Variants in LINGO2 observed in about 807,000 individuals in gnomAD.
LINGO2 encodes the protein leucine rich repeat and Ig domain containing 2.
In LINGO2, 14 loss-of-function variants were observed where a neutral mutation model predicts 30.6. The observed-to-expected ratio is 0.46, with a 90% CI of 0.30 to 0.72. The LOEUF is 0.72. Among genes scored for constraint, LINGO2 ranks in the 30% least tolerant of loss-of-function variants. The pLI, the probability that LINGO2 is intolerant of heterozygous loss-of-function variation, is 0.07. For missense variants in LINGO2, 729 were observed against 751.7 expected (o/e 0.97, Z 0.35); for synonymous variants, 317 against 288.5 (o/e 1.10, Z -1.00).
intron 1 of LINGO2, among the ~76,000 whole-genome samples, chr9:28,655,471 G>C (rs998120788): frequency 2.0e-5 from 3 of 152,016 alleles, no homozygotes; most frequent in African/African-American, 7.2e-5. Flanking sequence ...TTAGGATTTG[G>C]GGGTACTGTT....
chr9:28,320,566 C>T (rs938618414), intron 3 of LINGO2, among the ~76,000 whole-genome samples: 3 of 152,060 alleles, frequency 2.0e-5, no homozygotes, highest in Non-Finnish European at 4.4e-5. Context: ...TATCTTTAGA[C>T]GTTCACTTAG....
chr9:28,348,973 G>C (rs1159619894), intron 3 of LINGO2, among the ~76,000 whole-genome samples: 1 of 150,580 alleles, frequency 6.6e-6, no homozygotes, highest in African/African-American at 2.4e-5. Context: ...AAACAGAAAG[G>C]ACATCCACAC....
chr9:28,490,590 C>G (rs572632026), intron 1 of LINGO2, among the ~76,000 whole-genome samples: 1 of 152,150 alleles, frequency 6.6e-6, no homozygotes, highest in East Asian at 1.9e-4. Flanking sequence ...TAAAGGTAAT[C>G]TTGAATTAAT....
intron 4 of LINGO2, among the ~76,000 whole-genome samples, chr9:28,030,227 T>C (rs1290018057): frequency 6.6e-6 from 1 of 152,212 alleles, no homozygotes; most frequent in Non-Finnish European, 1.5e-5. Context: ...TGTTCAACAC[T>C]AACTTGGAAC....
At chr9:28,982,263 A>G in the LINGO2 span, among the ~76,000 whole-genome samples, 2 of 152,136 alleles carry the variant, frequency 1.3e-5, no homozygotes, top group African/African-American at 4.8e-5. Context: ...AGCTAAGGAA[A>G]AATAGGATGA....
chr9:28,190,117 C>A (rs1050217366), intron 4 of LINGO2, among the ~76,000 whole-genome samples: 2 of 152,148 alleles, frequency 1.3e-5, no homozygotes, highest in East Asian at 1.9e-4. Context: ...AAGACAGCCA[C>A]ATTTTCAAGT....
intron 4 of LINGO2, among the ~76,000 whole-genome samples, chr9:28,065,386 A>G (rs1186572075): frequency 6.6e-6 from 1 of 151,772 alleles, no homozygotes; most frequent in Non-Finnish European, 1.5e-5. Context: ...AATGACCTAC[A>G]AAGAGGCCAT....
At chr9:28,670,344 T>C (rs182848318), upstream of LINGO2, 1 of 152,186 alleles carries the variant, frequency 6.6e-6, no homozygotes, top group Non-Finnish European at 1.5e-5. Context: ...AAAATGATGG[T>C]GATTAGCTAT....
At chr9:28,440,065 C>A (rs1314444903) in intron 2 of LINGO2, among the ~76,000 whole-genome samples, 2 of 152,148 alleles carry the variant, frequency 1.3e-5, no homozygotes, top group African/African-American at 2.4e-5. Context: ...CTGACTGATA[C>A]AATCCTTAAG....
At chr9:28,069,623 A>G (rs1825414291) in intron 4 of LINGO2, among the ~76,000 whole-genome samples, 1 of 152,150 alleles carries the variant, frequency 6.6e-6, no homozygotes, top group South Asian at 2.1e-4. Flanking sequence ...TGGAATTATA[A>G]CTTCTAGAGT....
At chr9:28,219,765 T>C (rs967103966) in intron 4 of LINGO2, among the ~76,000 whole-genome samples, 1 of 152,182 alleles carries the variant, frequency 6.6e-6, no homozygotes, top group Non-Finnish European at 1.5e-5. Context: ...AGCTGCTGCA[T>C]AGTCTGTGCA....
chr9:28,716,130 A>G, the LINGO2 span, among the ~76,000 whole-genome samples: 3 of 151,836 alleles, frequency 2.0e-5, no homozygotes, highest in Non-Finnish European at 4.4e-5. Flanking sequence ...GTTTCTGTAC[A>G]CTTAAAATGC....
chr9:28,314,928 T>C (rs1289338414), intron 3 of LINGO2, among the ~76,000 whole-genome samples: 1 of 146,292 alleles, frequency 6.8e-6, no homozygotes, highest in African/African-American at 2.5e-5. Context: ...GAGCTTGCAG[T>C]GAGCCGAGAT....
chr9:29,171,242 T>C, the LINGO2 span, among the ~76,000 whole-genome samples: 1 of 152,098 alleles, frequency 6.6e-6, no homozygotes, highest in Non-Finnish European at 1.5e-5. Flanking sequence ...TTCATTTAAG[T>C]TCATACTTGT....
the LINGO2 span, among the ~76,000 whole-genome samples, chr9:29,212,811 A>C: frequency 6.6e-6 from 1 of 152,144 alleles, no homozygotes; most frequent in Non-Finnish European, 1.5e-5. Context: ...GCGATCGCGT[A>C]GCGACGCCCG....
At chr9:28,544,231 A>G (rs1183895323) in intron 1 of LINGO2, among the ~76,000 whole-genome samples, 4 of 152,060 alleles carry the variant, frequency 2.6e-5, no homozygotes, top group African/African-American at 7.2e-5. Context: ...AAAAACAAAA[A>G]TAAATAATAA....
chr9:29,089,544 T>A, the LINGO2 span, among the ~76,000 whole-genome samples: 3 of 152,062 alleles, frequency 2.0e-5, no homozygotes, highest in East Asian at 5.8e-4. Context: ...TTCAACCAAA[T>A]AAACTCCAAA....
At chr9:28,726,674 T>TA in the LINGO2 span, among the ~76,000 whole-genome samples, 2 of 151,862 alleles carry the variant, frequency 1.3e-5, no homozygotes, top group South Asian at 2.1e-4. Flanking sequence ...AAGAACAATA[T>TA]AAAAAAATAA....
chr9:28,706,631 C>G, the LINGO2 span, among the ~76,000 whole-genome samples: 1 of 152,024 alleles, frequency 6.6e-6, no homozygotes, highest in Non-Finnish European at 1.5e-5. Context: ...CCATATTTTT[C>G]CCTGAAATAG....
Sources: allele counts gnomAD v4.1 joint callset (sites outside exome capture counted in the v4.1 genomes callset), GRCh38; gene constraint gnomAD v4.1.1; transcripts MANE v1.5; gene names NCBI Gene and HGNC (gene_info 2026-07-23, HGNC 2026-07-21).